NUCKS1: variants seen among roughly 807,000 people sequenced by gnomAD.
NUCKS1 encodes nuclear casein kinase and cyclin dependent kinase substrate 1.
In NUCKS1, 2 loss-of-function variants were observed where a neutral mutation model predicts 33.0. The observed-to-expected ratio is 0.06, with a 90% CI of 0.02 to 0.19. NUCKS1 has a LOEUF of 0.19. NUCKS1 is among the 10% of genes least tolerant of loss of function. The pLI is 1.00. For missense variants in NUCKS1, 201 were observed against 293.6 expected (o/e 0.68, Z 2.31); for synonymous variants, 106 against 102.8 (o/e 1.03, Z -0.19).
intron 1 of NUCKS1, among the ~76,000 whole-genome samples, chr1:205,739,801 C>G (rs1265182965): frequency 6.6e-6 from 1 of 152,048 alleles, no homozygotes. Context: ...ATTGCTCAGG[C>G]TGGTCTCAAA....
intron 3 of NUCKS1, among the ~76,000 whole-genome samples, chr1:205,726,992 C>T (rs2102434955): frequency 6.6e-6 from 1 of 152,142 alleles, no homozygotes; most frequent in South Asian, 2.1e-4. Flanking sequence ...CAAGACAGTC[C>T]TGGCTCTGTC....
chr1:205,732,021 A>T (rs1242823912), intron 1 of NUCKS1, among the ~76,000 whole-genome samples: 1 of 152,204 alleles, frequency 6.6e-6, no homozygotes, highest in African/African-American at 2.4e-5. Context: ...GTCAGACTGC[A>T]AACACTGGTC....
At chr1:205,739,498 G>C (rs1654112933) in intron 1 of NUCKS1, among the ~76,000 whole-genome samples, 1 of 151,838 alleles carries the variant, frequency 6.6e-6, no homozygotes, top group South Asian at 2.1e-4. Context: ...TTTGAGACGG[G>C]GTCTCACTCT....
chr1:205,750,052 C>CGCGCGCTCGGCG lies in NUCKS1; in HGVS notation c.-80_-79insCGCCGAGCGCGC. 7.8e-7 allele frequency: 1 copy of CGCGCGCTCGGCG among 1,277,230 alleles called. No homozygotes were observed. Among genetic ancestry groups the CGCGCGCTCGGCG allele is most frequent in the South Asian group, 1.3e-5 (1 of 78,974 alleles). 79.1% of individuals were successfully genotyped at this position (1,277,230 alleles called of 1,614,324 possible). On this transcript the variant is annotated 5_prime_UTR_variant, in exon 1 of 7. Coordinates refer to ENST00000367142, the MANE Select transcript of NUCKS1 (RefSeq NM_022731.5). The stretch of plus-strand genomic sequence containing the variant: ...ACCCCGCGCGCTCGGCGCCCCACCC[C>CGCGCGCTCGGCG]CCCCGAACTTCAGCCGATGGGACCG...
rs1309918861 is a variant in NUCKS1 at position 205,718,368 on chromosome 1, G to A, written c.644C>T (p.Pro215Leu). The change falls in exon 7 of 7, where the codon CCG becomes CTG. Residue 215 changes from proline to leucine, a missense_variant. Coordinates refer to ENST00000367142, the MANE Select transcript of NUCKS1 (RefSeq NM_022731.5). ...GCTTGTAGATGTTTTCTTTTCTGGCGGGCTTTCCGGTTCCTCATCTTCTTC... is the reference window on the plus strand; with the variant it reads ...GCTTGTAGATGTTTTCTTTTCTGGCAGGCTTTCCGGTTCCTCATCTTCTTC... ...PKEEDEEPES[P>L]PEKKTSTSPP... The A allele has an allele frequency of 1.1e-5, 17 of 1,612,916 alleles. 1 individual carries two copies. The highest frequency in any genetic ancestry group is 6.7e-5 in the Admixed American group (4 of 59,906).
At chr1:205,743,052 A>T (rs1193615154) in intron 1 of NUCKS1, among the ~76,000 whole-genome samples, 1 of 152,176 alleles carries the variant, frequency 6.6e-6, no homozygotes, top group Non-Finnish European at 1.5e-5. Flanking sequence ...AAAGTTTGCA[A>T]AGTAACCCAT....
Position 205,718,105 on chromosome 1 carries a change from G to T in NUCKS1, c.*175C>A. 67 of 662,232 alleles carry T rather than the reference G, an allele frequency of 1.0e-4. No individual in the cohort carries two copies. Among genetic ancestry groups the T allele is most frequent in the Admixed American group, 2.3e-4 (4 of 17,602 alleles). 41.0% of individuals were successfully genotyped at this position (662,232 alleles called of 1,614,324 possible). A position where few individuals can be genotyped will look rare whatever the true frequency, so the allele number is the denominator to read the frequency against. On this transcript the variant is annotated 3_prime_UTR_variant, in exon 7 of 7. Transcript: ENST00000367142. ...TGCTTTAAAAAAAAAAAAAAAAAAA[G>T]AGAGAGAGAGAGAAATGTTACTTTC...
chr1:205,715,789 G>C lies in NUCKS1; in HGVS notation c.*2491C>G, dbSNP rs1671810988. On this transcript the variant is annotated 3_prime_UTR_variant, in exon 7 of 7. Coordinates refer to ENST00000367142, the MANE Select transcript of NUCKS1 (RefSeq NM_022731.5). ...TCACCATAGGCACACTAGAGAAAAA[G>C]AGGAAGGTTAGTCAAGGATGGTGCC... is the stretch of plus-strand genomic sequence containing the variant. The C allele has an allele frequency of 6.6e-6, 1 of 152,208 alleles. No homozygotes were observed. The highest frequency in any genetic ancestry group is 1.5e-5 in the Non-Finnish European group (1 of 68,044). 9.4% of individuals were successfully genotyped at this position (152,208 alleles called of 1,614,324 possible).
At chr1:205,747,961 A>T (rs1654371979) in intron 1 of NUCKS1, among the ~76,000 whole-genome samples, 1 of 152,120 alleles carries the variant, frequency 6.6e-6, no homozygotes, top group African/African-American at 2.4e-5. Context: ...CTCCGTAACC[A>T]ACTTGCTCTG....
intron 4 of NUCKS1, among the ~76,000 whole-genome samples, chr1:205,721,302 G>A (rs996397535): frequency 1.3e-5 from 2 of 151,928 alleles, no homozygotes; most frequent in East Asian, 1.9e-4. Context: ...TCTACAAAAT[G>A]TATAAAGGGG....
chr1:205,717,159 G>T lies in NUCKS1; in HGVS notation c.*1121C>A, dbSNP rs892751435. On this transcript the variant is annotated 3_prime_UTR_variant, in exon 7 of 7. Transcript: ENST00000367142. ...TTCTATGAAGAAATGGGAAGATCGG[G>T]ATATGAAAAAGAAAATGTTCTATCC... 1 of 248,600 alleles carries T rather than the reference G, an allele frequency of 4.0e-6. No individual in the cohort carries two copies. Among genetic ancestry groups the T allele is most frequent in the Non-Finnish European group, 6.4e-6 (1 of 156,232 alleles). The allele number at this position is 248,600 out of a possible 1,614,324, so 15.4% of individuals were successfully genotyped here.
At position 205,717,791 on chromosome 1, in the gene NUCKS1, GA is replaced by G. The variant is rs1671849296; in HGVS notation, c.*488del. On this transcript the variant is annotated 3_prime_UTR_variant, in exon 7 of 7. Coordinates refer to ENST00000367142, the MANE Select transcript of NUCKS1 (RefSeq NM_022731.5). ...AATAAACTCATATTAGATGACAATT[GA>G]TTTTTTAAAAGTCCAGGTAGAGAAA... 4 of 984,928 alleles carry G rather than the reference GA, an allele frequency of 4.1e-6. No homozygotes were observed. In the African/African-American group the frequency reaches 7.0e-5, roughly 17 times the overall value. 61.0% of individuals were successfully genotyped at this position (984,928 alleles called of 1,614,324 possible).
At chr1:205,725,928 C>T (rs549141039) in intron 3 of NUCKS1, among the ~76,000 whole-genome samples, 39 of 152,206 alleles carry the variant, frequency 2.6e-4, no homozygotes, top group African/African-American at 8.9e-4. Context: ...TGGCCCGGCG[C>T]GGTGGCTCAT....
chr1:205,718,792 G>GAACA (rs1671872388), intron 6 of NUCKS1, among the ~76,000 whole-genome samples: 1 of 152,094 alleles, frequency 6.6e-6, no homozygotes, highest in Non-Finnish European at 1.5e-5. Flanking sequence ...TTAATTGCTT[G>GAACA]GTAAACTAAC....
At chr1:205,720,713 T>G in intron 4 of NUCKS1, 60 bp from the exon 5 acceptor site, 4 of 1,469,280 alleles carry the variant, frequency 2.7e-6, no homozygotes, top group Non-Finnish European at 3.7e-6. Context: ...GACAAGATAG[T>G]GCAAAAGATT....
chr1:205,745,227 C>A (rs945463360), intron 1 of NUCKS1, among the ~76,000 whole-genome samples: 3 of 152,198 alleles, frequency 2.0e-5, no homozygotes, highest in African/African-American at 7.2e-5. Context: ...AAAGTCATCA[C>A]TGGTAAACTG....
intron 1 of NUCKS1, 116 bp downstream of exon 1, chr1:205,749,841 G>T: frequency 8.5e-7 from 1 of 1,171,922 alleles, no homozygotes; most frequent in Non-Finnish European, 1.2e-6. Context: ...CCCCGAAAGG[G>T]AGGAGGCCGC....
intron 1 of NUCKS1, among the ~76,000 whole-genome samples, chr1:205,746,789 C>T (rs939760514): frequency 6.6e-5 from 10 of 152,188 alleles, no homozygotes; most frequent in Non-Finnish European, 1.5e-4. Context: ...CTTGTAAGAG[C>T]TTATGTTTTC....
At chr1:205,736,194 C>T (rs1193222633) in intron 1 of NUCKS1, among the ~76,000 whole-genome samples, 1 of 152,138 alleles carries the variant, frequency 6.6e-6, no homozygotes, top group Non-Finnish European at 1.5e-5. Context: ...TCAAGTGATC[C>T]TCCCTTCTCG....
Sources: gnomAD v4.1 joint callset for allele counts (sites outside exome capture counted in the v4.1 genomes callset) on GRCh38, gnomAD v4.1.1 for gene constraint, MANE v1.5 for transcripts, NCBI Gene and HGNC (gene_info 2026-07-23, HGNC 2026-07-21) for gene names.